LDAH: variants seen among roughly 807,000 people sequenced by gnomAD.
LDAH encodes lipid droplet associated hydrolase.
Under a neutral mutation model 29.6 loss-of-function variants are expected in LDAH, and 26 were observed. The observed-to-expected ratio is 0.88, with a 90% confidence interval of 0.64 to 1.22. LDAH has a LOEUF of 1.22. Among genes scored for constraint, LDAH ranks in the 50% most tolerant of loss-of-function variants. The probability of loss-of-function intolerance (pLI) is 0.00; values close to 1 mark genes in which losing one functional copy is unlikely to be tolerated. For synonymous variants in LDAH, 117 were observed against 133.0 expected, an observed-to-expected ratio of 0.88 and a Z score of 0.83; for missense variants, 344 against 387.3, an observed-to-expected ratio of 0.89 and a Z score of 0.94.
At chr2:20,781,507 A>G (rs1670190047) in intron 3 of LDAH, among the ~76,000 whole-genome samples, 1 of 152,226 alleles carries the variant, frequency 6.6e-6, no homozygotes, top group African/African-American at 2.4e-5. Flanking sequence ...TGGACAGCAA[A>G]TAATATATCT....
rs372896656 is a variant in LDAH at position 20,803,206 on chromosome 2, G to A, written c.-2-1741C>T. Among the ~76,000 whole-genome samples the A allele has an allele frequency of 1.4e-3, 207 of 152,278 alleles. 3 individuals are homozygous for A. In the South Asian group the frequency reaches 0.038, roughly 28 times the overall value. ...TTATCCAGCCCTGAAGGTCAATAAT[G>A]CCAAGGCTGAAAAACAACACTGCTG... On this transcript the variant is annotated intron_variant, in intron 1 of 6. Coordinates refer to ENST00000237822, the MANE Select transcript of LDAH (RefSeq NM_021925.4).
intron 1 of LDAH, among the ~76,000 whole-genome samples, chr2:20,814,397 A>G (rs986952463): frequency 1.3e-5 from 2 of 152,166 alleles, no homozygotes; most frequent in Non-Finnish European, 2.9e-5. Context: ...TCATCTATGT[A>G]AAATCTTCAG....
chr2:20,687,327 A>G (rs1378777669), intron 6 of LDAH, among the ~76,000 whole-genome samples: 1 of 152,238 alleles, frequency 6.6e-6, no homozygotes, highest in African/African-American at 2.4e-5. Context: ...CTCTTGTGTG[A>G]TAGATCACTC....
At chr2:20,812,158 A>G (rs893519771) in intron 1 of LDAH, among the ~76,000 whole-genome samples, 13 of 152,238 alleles carry the variant, frequency 8.5e-5, no homozygotes, top group Admixed American at 8.5e-4. Context: ...GAACAAGGCC[A>G]GAAGACAATG....
chr2:20,769,068 ACT>A (rs1461472645), intron 4 of LDAH, among the ~76,000 whole-genome samples: 1 of 151,498 alleles, frequency 6.6e-6, no homozygotes, highest in Non-Finnish European at 1.5e-5. Flanking sequence ...CTCCACGCAC[ACT>A]CTGCCGCAAC....
At chr2:20,725,185 G>T (rs530359574) in intron 5 of LDAH, among the ~76,000 whole-genome samples, 1 of 152,132 alleles carries the variant, frequency 6.6e-6, no homozygotes, top group Non-Finnish European at 1.5e-5. Flanking sequence ...GGTTTGACAG[G>T]TTAGGAAAAG....
chr2:20,789,661 T>C (rs1670810287), intron 3 of LDAH, among the ~76,000 whole-genome samples: 1 of 152,054 alleles, frequency 6.6e-6, no homozygotes, highest in East Asian at 1.9e-4. Context: ...ATAAAAGGGG[T>C]TCCCAACCCC....
chr2:20,815,612 A>G (rs904202462), intron 1 of LDAH, among the ~76,000 whole-genome samples: 35 of 152,268 alleles, frequency 2.3e-4, no homozygotes, highest in African/African-American at 8.4e-4. Flanking sequence ...TGGAAGCCAG[A>G]AAGAAATGGC....
intron 4 of LDAH, among the ~76,000 whole-genome samples, chr2:20,752,096 T>C (rs1274748451): frequency 6.6e-6 from 1 of 152,164 alleles, no homozygotes; most frequent in African/African-American, 2.4e-5. Flanking sequence ...CTCACTATGT[T>C]GCCCAGGCTG....
intron 1 of LDAH, among the ~76,000 whole-genome samples, chr2:20,811,926 G>A (rs1407191716): frequency 6.6e-6 from 1 of 152,018 alleles, no homozygotes; most frequent in East Asian, 1.9e-4. Context: ...ATCAAATGTA[G>A]GCAAGAGTGG....
At chr2:20,697,632 GT>G (rs1277803203) in intron 6 of LDAH, among the ~76,000 whole-genome samples, 1 of 152,186 alleles carries the variant, frequency 6.6e-6, no homozygotes, top group Non-Finnish European at 1.5e-5. Flanking sequence ...TCTCTTCAGT[GT>G]GGCATATCAT....
chr2:20,739,472 TA>T (rs1360559007), intron 5 of LDAH, among the ~76,000 whole-genome samples: 2 of 152,216 alleles, frequency 1.3e-5, no homozygotes, highest in African/African-American at 4.8e-5. Context: ...AGCATATTCA[TA>T]AAAATCAGCA....
At chr2:20,734,473 C>G (rs950305321) in intron 5 of LDAH, among the ~76,000 whole-genome samples, 18 of 152,038 alleles carry the variant, frequency 1.2e-4, no homozygotes, top group African/African-American at 4.3e-4. Flanking sequence ...GTTCTAGGTA[C>G]TACATTACAT....
intron 1 of LDAH, among the ~76,000 whole-genome samples, chr2:20,804,491 T>C (rs16988072): frequency 0.047 from 7,077 of 152,192 alleles, 237 homozygotes; most frequent in African/African-American, 0.08. Flanking sequence ...TATCAGACAC[T>C]AAAAAAATTA....
intron 6 of LDAH, among the ~76,000 whole-genome samples, chr2:20,688,883 A>G (rs898283865): frequency 7.3e-6 from 1 of 136,272 alleles, no homozygotes; most frequent in East Asian, 2.2e-4. Flanking sequence ...GGACATGTGC[A>G]GAGTGTGCAG....
In LDAH at chr2:20,685,756, G is replaced by T. The variant is rs757930876; in HGVS notation, c.*1147C>A. On this transcript the variant is annotated 3_prime_UTR_variant, in exon 7 of 7. Transcript: ENST00000237822. ...TTTAGGGGAGGCAGCAATATTGTCA[G>T]CCCACTCTAGGCCAGGGAATATGTG... is the stretch of plus-strand genomic sequence containing the variant. 3.6e-5 allele frequency: 51 copies of T among 1,408,394 alleles called. No individual in the cohort carries two copies. Among genetic ancestry groups the T allele is most frequent in the Non-Finnish European group, 4.8e-5 (51 of 1,053,104 alleles). The allele number at this position is 1,408,394 out of a possible 1,614,324, so 87.2% of individuals were successfully genotyped here.
intron 5 of LDAH, among the ~76,000 whole-genome samples, chr2:20,704,014 G>A (rs957127153): frequency 2.6e-5 from 4 of 152,204 alleles, no homozygotes; most frequent in African/African-American, 4.8e-5. Context: ...TGCAGTGACA[G>A]AGGTGGCCTA....
At chr2:20,745,677 G>T (rs1445749351) in intron 4 of LDAH, among the ~76,000 whole-genome samples, 3 of 151,956 alleles carry the variant, frequency 2.0e-5, no homozygotes, top group Non-Finnish European at 4.4e-5. Flanking sequence ...TAAAAAATAA[G>T]ATATAATTGA....
chr2:20,774,630 G>A (rs1484532503), intron 4 of LDAH, among the ~76,000 whole-genome samples, 180 bp downstream of exon 4: 4 of 152,164 alleles, frequency 2.6e-5, no homozygotes. Context: ...GAAACATTAT[G>A]AACATACATT....
Sources: allele counts gnomAD v4.1 joint callset (sites outside exome capture counted in the v4.1 genomes callset), GRCh38; gene constraint gnomAD v4.1.1; transcripts MANE v1.5; gene names NCBI Gene and HGNC (gene_info 2026-07-23, HGNC 2026-07-21).